CCBE1: variants seen among roughly 807,000 people sequenced by gnomAD.
CCBE1 encodes the protein collagen and calcium-binding EGF domain-containing protein 1.
CCBE1 carries 37 observed loss-of-function variants against 50.0 expected under a neutral mutation model. The ratio of observed to expected loss-of-function variants is 0.74; its 90% CI spans 0.57 to 0.97. The LOEUF (loss-of-function observed/expected upper bound fraction) is 0.97. CCBE1 is among the 50% of genes least tolerant of loss of function. CCBE1 has a pLI of 0.00. For missense variants in CCBE1, 538 were observed against 523.8 expected (o/e 1.03, Z -0.26); for synonymous variants, 234 against 203.7 (o/e 1.15, Z -1.27).
intron 2 of CCBE1, among the ~76,000 whole-genome samples, chr18:59,624,837 GTTTC>G (rs1242633439): frequency 6.6e-6 from 1 of 152,190 alleles, no homozygotes; most frequent in East Asian, 1.9e-4. Flanking sequence ...CACCTGGGCT[GTTTC>G]TTTGTGTTTT....
Position 59,673,361 on chromosome 18 carries a change from G to T in CCBE1, c.212+23268C>A, listed in dbSNP as rs144218112. Among the ~76,000 whole-genome samples the T allele has an allele frequency of 6.3e-3, 963 of 152,292 alleles. 4 individuals carry two copies. Among genetic ancestry groups the T allele is most frequent in the Non-Finnish European group, 0.011 (745 of 68,030 alleles). The stretch of plus-strand genomic sequence containing the variant: ...AGCTACTTGGGAAGCTGAGACAGGA[G>T]AATTGCTTGAACCCAGGATGTGGAG... On this transcript the variant is annotated intron_variant, in intron 2 of 10. Transcript: ENST00000439986.
rs570649515 is a variant in CCBE1, at chr18:59,552,147, T to G, written c.213-71909A>C. 2.6e-5 allele frequency among the ~76,000 whole-genome samples: 4 copies of G among 152,266 alleles called. No homozygotes were observed. In the South Asian group the frequency reaches 8.3e-4, roughly 32 times the overall value. The stretch of plus-strand genomic sequence containing the variant: ...ACTCAGTAGTCTGGCCTGGACTTCC[T>G]CAAATGAGGGCAGGGACATTCCAAA... On this transcript the variant is annotated intron_variant, in intron 2 of 10. Coordinates refer to ENST00000439986, the MANE Select transcript of CCBE1 (RefSeq NM_133459.4).
intron 2 of CCBE1, among the ~76,000 whole-genome samples, chr18:59,578,311 G>A (rs574874718): frequency 7.9e-5 from 12 of 152,342 alleles, no homozygotes; most frequent in African/African-American, 2.4e-4. Flanking sequence ...ATGCTGGAGA[G>A]GATGTGGAGA....
At chr18:59,580,499 G>A (rs1220467908) in intron 2 of CCBE1, among the ~76,000 whole-genome samples, 1 of 152,136 alleles carries the variant, frequency 6.6e-6, no homozygotes, top group East Asian at 1.9e-4. Flanking sequence ...CCTCAGCCTT[G>A]GCAAAATACA....
intron 2 of CCBE1, among the ~76,000 whole-genome samples, chr18:59,684,363 C>A (rs1198407706): frequency 6.6e-6 from 1 of 152,118 alleles, no homozygotes; most frequent in Non-Finnish European, 1.5e-5. Context: ...GCACAAGAAT[C>A]GCTTGAACCT....
At chr18:59,624,522 C>T (rs887821907) in intron 2 of CCBE1, among the ~76,000 whole-genome samples, 8 of 152,186 alleles carry the variant, frequency 5.3e-5, no homozygotes, top group African/African-American at 1.7e-4. Flanking sequence ...GGGACTAAGA[C>T]AACAAAATAG....
chr18:59,629,829 G>T (rs886933245), intron 2 of CCBE1, among the ~76,000 whole-genome samples: 27 of 152,146 alleles, frequency 1.8e-4, no homozygotes, highest in African/African-American at 6.3e-4. Flanking sequence ...GTGCCTTCAG[G>T]GGGAGGTAGC....
chr18:59,491,724 G>T (rs143967279), intron 2 of CCBE1, among the ~76,000 whole-genome samples: 4 of 150,256 alleles, frequency 2.7e-5, no homozygotes, highest in African/African-American at 9.8e-5. Flanking sequence ...TGAGGCAGGA[G>T]AATCACTTGA....
Position 59,550,756 on chromosome 18 carries a change from C to T in CCBE1, c.213-70518G>A, listed in dbSNP as rs367614715. Among the ~76,000 whole-genome samples, 58 of 151,952 alleles carry T rather than the reference C, an allele frequency of 3.8e-4. 2 individuals are homozygous for T. The South Asian group carries it at 9.8e-3, about 26-fold the overall frequency. On this transcript the variant is annotated intron_variant, in intron 2 of 10. Coordinates refer to ENST00000439986, the MANE Select transcript of CCBE1 (RefSeq NM_133459.4). ...AAAATACAGTCATGTGGGCTGGGTG[C>T]GGTGGCTCACGCCTGTAATCCCAGC...
At chr18:59,610,629 A>T (rs571651474) in intron 2 of CCBE1, among the ~76,000 whole-genome samples, 12 of 152,340 alleles carry the variant, frequency 7.9e-5, no homozygotes, top group African/African-American at 2.6e-4. Context: ...CACACCTTGC[A>T]TATCTGGCCT....
intron 2 of CCBE1, among the ~76,000 whole-genome samples, chr18:59,579,709 T>C (rs1399097116): frequency 1.3e-5 from 2 of 152,226 alleles, no homozygotes; most frequent in African/African-American, 4.8e-5. Context: ...AATGTTAGGC[T>C]CTTACTGCGT....
intron 2 of CCBE1, among the ~76,000 whole-genome samples, chr18:59,545,935 T>C (rs1598998827): frequency 6.6e-6 from 1 of 151,368 alleles, no homozygotes; most frequent in South Asian, 2.1e-4. Context: ...CAGGTACGTC[T>C]CTTTGTCAGC....
chr18:59,498,965 C>G (rs950372219), intron 2 of CCBE1, among the ~76,000 whole-genome samples: 1 of 152,208 alleles, frequency 6.6e-6, no homozygotes, highest in Non-Finnish European at 1.5e-5. Flanking sequence ...AGTTTTTCCT[C>G]CCTGTCCTGA....
At chr18:59,558,523 A>G (rs2052685654) in intron 2 of CCBE1, among the ~76,000 whole-genome samples, 2 of 152,224 alleles carry the variant, frequency 1.3e-5, no homozygotes. Flanking sequence ...TATCACAGCC[A>G]TGTAGCCACA....
chr18:59,463,212 C>T (rs1911576350), intron 5 of CCBE1, among the ~76,000 whole-genome samples: 1 of 152,206 alleles, frequency 6.6e-6, no homozygotes, highest in South Asian at 2.1e-4. Flanking sequence ...CCTTTCTGGG[C>T]CCACACTGCT....
Position 59,499,345 on chromosome 18 carries a change from AG to A in CCBE1, c.213-19108del, listed in dbSNP as rs1047950157. On this transcript the variant is annotated intron_variant, in intron 2 of 10. Coordinates refer to ENST00000439986, the MANE Select transcript of CCBE1 (RefSeq NM_133459.4). Reference sequence around the variant, plus strand: ...GCTTTCGTGGTGAGGGAAGGGAGGTAGGGGGGCTTTCTGAAGTCCAATAAAT... The same window carrying A: ...GCTTTCGTGGTGAGGGAAGGGAGGTAGGGGGCTTTCTGAAGTCCAATAAAT... Among the ~76,000 whole-genome samples the A allele has an allele frequency of 1.4e-4, 21 of 152,250 alleles. No homozygotes were observed. The East Asian group carries it at 3.3e-3, about 24-fold the overall frequency.
intron 2 of CCBE1, among the ~76,000 whole-genome samples, chr18:59,585,304 C>T (rs1429589): frequency 0.087 from 13,277 of 152,120 alleles, 607 homozygotes; most frequent in East Asian, 0.13. Context: ...CTTCATGGCA[C>T]TTCAATGCTA....
intron 2 of CCBE1, among the ~76,000 whole-genome samples, chr18:59,651,349 GGGAACAAAA>G (rs1382855803): frequency 6.6e-6 from 1 of 152,172 alleles, no homozygotes; most frequent in Non-Finnish European, 1.5e-5. Flanking sequence ...ACCGGGTTAT[GGGAACAAAA>G]CCAGGCAATT....
intron 2 of CCBE1, among the ~76,000 whole-genome samples, chr18:59,680,955 A>C (rs1234828850): frequency 1.3e-5 from 2 of 152,050 alleles, no homozygotes; most frequent in Non-Finnish European, 2.9e-5. Flanking sequence ...GAGACTGCCT[A>C]AATATGGAAA....
Sources: allele counts gnomAD v4.1 joint callset (sites outside exome capture counted in the v4.1 genomes callset), GRCh38; gene constraint gnomAD v4.1.1; transcripts MANE v1.5; gene names NCBI Gene and HGNC (gene_info 2026-07-23, HGNC 2026-07-21).